Variants in TPCN2 observed in about 807,000 individuals in gnomAD.
TPCN2 encodes the protein two pore segment channel 2.
A neutral mutation model predicts 111.4 loss-of-function variants in TPCN2; 92 were observed. That is an observed-to-expected ratio of 0.83 (90% CI 0.70 to 0.98). The LOEUF is 0.98. Ranked by LOEUF, TPCN2 falls within the 50% of genes least tolerant of loss-of-function variation. TPCN2 has a pLI of 0.00. For synonymous variants in TPCN2, 405 were observed against 414.5 expected, an observed-to-expected ratio of 0.98 and a Z score of 0.28; for missense variants, 995 against 980.1, an observed-to-expected ratio of 1.02 and a Z score of -0.20.
At chr11:69,074,711 T>A (rs1855680157) in intron 13 of TPCN2, among the ~76,000 whole-genome samples, 1 of 152,134 alleles carries the variant, frequency 6.6e-6, no homozygotes, top group African/African-American at 2.4e-5. Context: ...GGAGAAGGTG[T>A]TCGTATGTTA....
At chr11:69,050,760 C>G (rs117325580) in intron 1 of TPCN2, among the ~76,000 whole-genome samples, 345 of 152,352 alleles carry the variant, frequency 2.3e-3, no homozygotes, top group Non-Finnish European at 3.4e-3. Flanking sequence ...CAGAGAGAAT[C>G]CAGAGTTTGT....
At chr11:69,063,477 C>T (rs1855115124) in intron 6 of TPCN2, among the ~76,000 whole-genome samples, 1 of 152,094 alleles carries the variant, frequency 6.6e-6, no homozygotes, top group African/African-American at 2.4e-5. Context: ...AGCCTCCATC[C>T]AGCCTCGGCT....
Position 69,055,357 on chromosome 11 carries a change from G to C in TPCN2, c.429+5G>C, listed in dbSNP as rs980433532. ...GCGGCCGACCTCTCTGTGAAGGTGA[G>C]GCGGGCGCCAGGCCCTCTACGTGCT... On this transcript the variant is annotated splice_donor_5th_base_variant and intron_variant, in intron 4 of 24. Coordinates refer to ENST00000294309, the MANE Select transcript of TPCN2 (RefSeq NM_139075.4). 6 of 1,601,688 alleles carry C rather than the reference G, an allele frequency of 3.7e-6. No individual in the cohort carries two copies. The highest frequency in any genetic ancestry group is 1.3e-5 in the African/African-American group (1 of 74,622).
At chr11:69,061,482 G>A (rs1208162392) in intron 5 of TPCN2, among the ~76,000 whole-genome samples, 2 of 152,198 alleles carry the variant, frequency 1.3e-5, no homozygotes, top group African/African-American at 2.4e-5. Context: ...ATTGACAGGC[G>A]CCAAAGTGTA....
chr11:69,058,786 G>A (rs1854888677), intron 5 of TPCN2, among the ~76,000 whole-genome samples: 1 of 152,242 alleles, frequency 6.6e-6, no homozygotes, highest in African/African-American at 2.4e-5. Context: ...CCTCCTCCCT[G>A]CAAAGGGAGA....
At chr11:69,072,562 C>G in intron 11 of TPCN2, 65 bp from the exon 12 acceptor site, 1 of 1,557,714 alleles carries the variant, frequency 6.4e-7, no homozygotes, top group South Asian at 1.1e-5. Flanking sequence ...GCAGGAGGAC[C>G]CAGGCCAGGG....
chr11:69,085,214 T>C lies in TPCN2; in HGVS notation c.1766T>C (p.Val589Ala). The C allele has an allele frequency of 2.5e-6, 4 of 1,614,024 alleles. No homozygotes were observed. Among genetic ancestry groups the C allele is most frequent in the Non-Finnish European group, 3.4e-6 (4 of 1,179,934 alleles). ...CCCCGGCTCCTGGCCCGCCAGGTGG[T>C]CTACTACGTATTTGCCATCATTGGG... ...MRAFGGILVV[V>A]YYVFAIIGIN... Residue 589 changes from valine (V) to alanine (A), a missense_variant, in exon 20 of 25, where the codon GTC (valine) becomes GCC (alanine). Coordinates refer to ENST00000294309, the MANE Select transcript of TPCN2 (RefSeq NM_139075.4).
chr11:69,052,068 C>T (rs1353384811), intron 1 of TPCN2, among the ~76,000 whole-genome samples: 2 of 152,100 alleles, frequency 1.3e-5, no homozygotes, highest in African/African-American at 4.8e-5. Context: ...AACCAGCAAC[C>T]AAAAAGCCAG....
At chr11:69,085,415 CTCCCTCCACCCCCT>C (rs1190566258) in intron 20 of TPCN2, 129 bp downstream of exon 20, 21 of 946,834 alleles carry the variant, frequency 2.2e-5, no homozygotes, top group Non-Finnish European at 3.4e-5. Context: ...CCTTCGTCTC[CTCCCTCCACCCCCT>C]TTTCCCGACC....
intron 1 of TPCN2, among the ~76,000 whole-genome samples, chr11:69,052,655 G>A (rs57860567): frequency 0.074 from 11,235 of 152,132 alleles, 1,435 homozygotes; most frequent in African/African-American, 0.26. Flanking sequence ...CCTCTAATCC[G>A]TCCAGGGCCC....
Position 69,081,507 on chromosome 11 carries a change from C to T in TPCN2, c.1689+8C>T, listed in dbSNP as rs1411019300. 10 of 1,540,660 alleles carry T rather than the reference C, an allele frequency of 6.5e-6. No homozygotes were observed. The highest frequency in any genetic ancestry group is 7.9e-6 in the Non-Finnish European group (9 of 1,139,320). ...ATCATCCCCAGCATGAAGGTGTGTG[C>T]CGGCCCCACCCCCACTCGCCCCACC... On this transcript the variant is annotated splice_region_variant and intron_variant, in intron 18 of 24. Transcript: ENST00000294309.
At chr11:69,049,165 G>T in intron 1 of TPCN2, 59 bp downstream of exon 1, 2 of 1,061,054 alleles carry the variant, frequency 1.9e-6, no homozygotes, top group Non-Finnish European at 2.4e-6. Flanking sequence ...GCGCGTGGGG[G>T]TCCCGCTGTC....
At chr11:69,049,165 G>A in intron 1 of TPCN2, 59 bp downstream of exon 1, 3 of 1,061,054 alleles carry the variant, frequency 2.8e-6, no homozygotes, top group Non-Finnish European at 3.6e-6. Flanking sequence ...GCGCGTGGGG[G>A]TCCCGCTGTC....
Position 69,079,996 on chromosome 11 carries a change from A to G in TPCN2, c.1589+113A>G, listed in dbSNP as rs2134622677. On this transcript the variant is annotated intron_variant, in intron 17 of 24. Transcript: ENST00000294309. ...GCTGGGTCTGCTCTGACTCTAGGGC[A>G]GACCCCGTGATGGTGGAATGGGTGG... is the stretch of plus-strand genomic sequence containing the variant. 12 of 960,066 alleles carry G rather than the reference A, an allele frequency of 1.2e-5. No homozygotes were observed. In the South Asian group the frequency reaches 1.8e-4, roughly 15 times the overall value. The allele number at this position is 960,066 out of a possible 1,614,324, so 59.5% of individuals were successfully genotyped here.
At chr11:69,079,677 T>G (rs1390850549) in intron 16 of TPCN2, 157 bp from the exon 17 acceptor site, 1 of 628,356 alleles carries the variant, frequency 1.6e-6, no homozygotes, top group Admixed American at 3.1e-5. Context: ...TCCTGACATC[T>G]GGAACCAACC....
intron 6 of TPCN2, among the ~76,000 whole-genome samples, chr11:69,063,380 C>G (rs1223299476): frequency 1.3e-5 from 2 of 152,048 alleles, no homozygotes; most frequent in African/African-American, 2.4e-5. Flanking sequence ...TAAAGCTGAG[C>G]TGTTCCTGAC....
In TPCN2 at chr11:69,049,011, A is replaced by G; in HGVS notation, c.14A>G (p.Gln5Arg). The G allele has an allele frequency of 8.1e-7, 1 of 1,239,712 alleles. No individual in the cohort carries two copies. Among genetic ancestry groups the G allele is most frequent in the Admixed American group, 4.2e-5 (1 of 23,718 alleles). 76.8% of individuals were successfully genotyped at this position (1,239,712 alleles called of 1,614,324 possible). A position where few individuals can be genotyped will look rare whatever the true frequency, so the allele number is the denominator to read the frequency against. The change falls in exon 1 of 25, where the codon CAG becomes CGG. Residue 5 changes from glutamine to arginine, a missense_variant. By Grantham distance (43) the Gln-to-Arg change is conservative. Transcript: ENST00000294309. Reference protein sequence around the residue: MAEPQAESEPLLGGA... With the variant: MAEPRAESEPLLGGA... The stretch of plus-strand genomic sequence containing the variant: ...GTGGGCTGCTGGATGGCGGAACCCC[A>G]GGCGGAGTCGGAGCCCCTGCTGGGC...
rs372475499 is a variant in TPCN2 at position 69,087,870 on chromosome 11, C to T, written c.2181-5C>T. ...CCCTGTGTGCATCTTTCCTCAATTC[C>T]ACAGGGATATTCTGGAGGAGCCCGG... On this transcript the variant is annotated splice_polypyrimidine_tract_variant and splice_region_variant and intron_variant, in intron 24 of 24. Coordinates refer to ENST00000294309, the MANE Select transcript of TPCN2 (RefSeq NM_139075.4). The T allele has an allele frequency of 8.1e-6, 13 of 1,612,172 alleles. No homozygotes were observed. The highest frequency in any genetic ancestry group is 1.0e-5 in the Non-Finnish European group (12 of 1,179,552).
intron 13 of TPCN2, among the ~76,000 whole-genome samples, chr11:69,076,628 G>A (rs1260577593): frequency 3.1e-4 from 25 of 80,912 alleles, no homozygotes; most frequent in East Asian, 4.7e-4. Context: ...CCCTCCTGCG[G>A]TGTCCCTCCA....
Sources: allele counts gnomAD v4.1 joint callset (sites outside exome capture counted in the v4.1 genomes callset), GRCh38; gene constraint gnomAD v4.1.1; transcripts MANE v1.5; gene names NCBI Gene and HGNC (gene_info 2026-07-23, HGNC 2026-07-21).